The following DIAPH2 variants were observed in gnomAD, a reference collection of about 807,000 sequenced individuals.
The protein encoded by DIAPH2 is protein diaphanous homolog 2.
Under a neutral mutation model 92.7 loss-of-function variants are expected in DIAPH2, and 35 were observed. That is an observed-to-expected ratio of 0.38 (90% CI 0.29 to 0.50). The LOEUF (loss-of-function observed/expected upper bound fraction) is 0.50. Ranked by LOEUF, DIAPH2 falls within the 20% of genes least tolerant of loss-of-function variation. The probability of loss-of-function intolerance (pLI) is 0.94; values close to 1 mark genes in which losing one functional copy is unlikely to be tolerated. For missense variants in DIAPH2, 701 were observed against 819.5 expected (o/e 0.86, Z 1.77); for synonymous variants, 301 against 280.4 (o/e 1.07, Z -0.73).
chrX:97,234,348 A>C (rs963905669), intron 22 of DIAPH2, among the ~76,000 whole-genome samples: 1 of 104,477 alleles, frequency 9.6e-6, no homozygotes. Context: ...AAAAAAAAAA[A>C]GAAAAAAAGA....
At chrX:97,198,303 C>T (rs867951069) in intron 22 of DIAPH2, among the ~76,000 whole-genome samples, 1 of 97,689 alleles carries the variant, frequency 1.0e-5, no homozygotes, top group Admixed American at 1.2e-4. Flanking sequence ...CACACACACA[C>T]ATATGTGTAT....
At chrX:97,387,310 G>A (rs144936982) in intron 25 of DIAPH2, among the ~76,000 whole-genome samples, 6,084 of 112,015 alleles carry the variant, frequency 0.054, 138 homozygotes, top group African/African-American at 0.096. Context: ...AACAAGAGGT[G>A]TATTAGTCAG....
intron 26 of DIAPH2, among the ~76,000 whole-genome samples, chrX:97,508,696 G>C (rs1271405201): frequency 8.9e-6 from 1 of 111,955 alleles, no homozygotes; most frequent in Non-Finnish European, 1.9e-5. Flanking sequence ...GCATGGCTTT[G>C]TTCTCTGAAT....
In DIAPH2 at chrX:97,604,393, T is replaced by G. The variant is rs1400614500; in HGVS notation, c.*5076T>G. The G allele has an allele frequency of 2.7e-5, 3 of 111,955 alleles. No homozygotes were observed. Among genetic ancestry groups the G allele is most frequent in the African/African-American group, 9.8e-5 (3 of 30,670 alleles). The allele number at this position is 111,955 out of a possible 1,213,427, so 9.2% of individuals were successfully genotyped here. A position where few individuals can be genotyped will look rare whatever the true frequency, so the allele number is the denominator to read the frequency against. ...TCCAGGGAGTAGGATATTGAATATC[T>G]TTTTTGGGGAGGGGGCACCATGCAG... On this transcript the variant is annotated 3_prime_UTR_variant, in exon 27 of 27. Transcript: ENST00000324765.
chrX:97,345,769 G>A (rs1386483553), intron 23 of DIAPH2, among the ~76,000 whole-genome samples: 1 of 110,243 alleles, frequency 9.1e-6, no homozygotes, highest in Admixed American at 9.7e-5. Context: ...TTTCTTTATG[G>A]TTAGTCCACT....
At chrX:97,407,480 G>A (rs140652216) in intron 25 of DIAPH2, among the ~76,000 whole-genome samples, 87 of 111,613 alleles carry the variant, frequency 7.8e-4, no homozygotes, top group African/African-American at 2.6e-3. Context: ...TTGAGTAAGT[G>A]CCCAGTGGTT....
At chrX:97,084,430 C>T (rs1318840432) in intron 19 of DIAPH2, among the ~76,000 whole-genome samples, 1 of 111,347 alleles carries the variant, frequency 9.0e-6, no homozygotes, top group East Asian at 2.8e-4. Context: ...TCCTTCAAAA[C>T]TTACAATTGA....
intron 1 of DIAPH2, among the ~76,000 whole-genome samples, chrX:96,698,991 C>T (rs1260097112): frequency 9.1e-6 from 1 of 109,800 alleles, no homozygotes; most frequent in East Asian, 2.8e-4. Flanking sequence ...TCAACTCAGC[C>T]TCTCACTTGG....
Position 96,937,335 on chromosome X carries a change from A to G in DIAPH2, c.1192A>G (p.Ile398Val). 8.8e-7 allele frequency: 1 copy of G among 1,132,834 alleles called. No individual in the cohort carries two copies. The highest frequency in any genetic ancestry group is 2.2e-5 in the South Asian group (1 of 45,249). 93.4% of individuals were successfully genotyped at this position (1,132,834 alleles called of 1,213,427 possible). The change falls in exon 11 of 27, where the codon ATT becomes GTT. Residue 398 changes from isoleucine (I) to valine (V), a missense_variant. This residue lies in a region of DIAPH2 where 536 missense variants were observed against 599.3 expected (regional missense o/e 0.89). Transcript: ENST00000324765. The stretch of plus-strand genomic sequence containing the variant: ...TGAATTATCACACCGTCTCAATGAC[A>G]TTCGAGCAGAAATGGAATATCCTTT... The part of the protein sequence containing the change: ...LTELSHRLND[I>V]RAEMDDMNEV...
chrX:96,890,495 ACT>A (rs1009122787), intron 5 of DIAPH2, among the ~76,000 whole-genome samples: 1 of 110,768 alleles, frequency 9.0e-6, no homozygotes, highest in African/African-American at 3.3e-5. Context: ...AGTTCCTAAA[ACT>A]CTGTTGCATA....
At chrX:96,853,391 TAATG>T (rs1255109146) in intron 4 of DIAPH2, among the ~76,000 whole-genome samples, 1 of 111,743 alleles carries the variant, frequency 8.9e-6, no homozygotes, top group Non-Finnish European at 1.9e-5. Context: ...CATTAGAAAA[TAATG>T]AAGTTCTAAT....
intron 23 of DIAPH2, among the ~76,000 whole-genome samples, chrX:97,316,342 C>T (rs1186725447): frequency 9.0e-6 from 1 of 110,546 alleles, no homozygotes; most frequent in Non-Finnish European, 1.9e-5. Flanking sequence ...GGTTTAAGGC[C>T]AAAGAAATCA....
chrX:96,917,428 A>G (rs186575612), intron 8 of DIAPH2, among the ~76,000 whole-genome samples: 130 of 111,531 alleles, frequency 1.2e-3, no homozygotes, highest in Admixed American at 6.0e-3. Flanking sequence ...CAAAAATATT[A>G]TCATATTAAG....
intron 4 of DIAPH2, among the ~76,000 whole-genome samples, chrX:96,804,749 A>G (rs895922641): frequency 9.0e-6 from 1 of 111,662 alleles, no homozygotes; most frequent in African/African-American, 3.2e-5. Flanking sequence ...AATAATAAAT[A>G]TATGCTAAAA....
At chrX:96,707,197 C>G (rs967448096) in intron 1 of DIAPH2, among the ~76,000 whole-genome samples, 1 of 109,473 alleles carries the variant, frequency 9.1e-6, no homozygotes, top group African/African-American at 3.3e-5. Context: ...GAGACAGAGT[C>G]TCGCTCAGTT....
chrX:97,159,950 G>A (rs1422428965), intron 22 of DIAPH2, among the ~76,000 whole-genome samples: 5 of 111,059 alleles, frequency 4.5e-5, no homozygotes, highest in Non-Finnish European at 7.5e-5. Context: ...CTGTGCAGCA[G>A]CAGACCAATA....
intron 23 of DIAPH2, among the ~76,000 whole-genome samples, chrX:97,338,782 TATTCTA>T (rs2069087363): frequency 8.9e-6 from 1 of 112,360 alleles, no homozygotes; most frequent in African/African-American, 3.2e-5. Context: ...TGCTAATGCT[TATTCTA>T]ATTCTAATGG....
chrX:96,786,008 T>C (rs1024213596), intron 4 of DIAPH2, among the ~76,000 whole-genome samples: 1 of 111,648 alleles, frequency 9.0e-6, no homozygotes, highest in Admixed American at 9.5e-5. Context: ...CAGAGGAGAA[T>C]GTCCTTGAGG....
At chrX:97,078,960 G>A (rs755960038) in intron 19 of DIAPH2, among the ~76,000 whole-genome samples, 12 of 111,009 alleles carry the variant, frequency 1.1e-4, no homozygotes, top group South Asian at 3.9e-4. Context: ...ATGAGAAAGA[G>A]CGCATAAAAG....
Sources: allele counts gnomAD v4.1 joint callset (sites outside exome capture counted in the v4.1 genomes callset), GRCh38; gene constraint gnomAD v4.1.1; regional missense constraint gnomAD v4.1.1; transcripts MANE v1.5; gene names NCBI Gene and HGNC (gene_info 2026-07-23, HGNC 2026-07-21).